Variants in FGF14 observed in about 807,000 individuals in gnomAD.
FGF14 encodes fibroblast growth factor 14.
In FGF14, 5 loss-of-function variants were observed where a neutral mutation model predicts 25.5. The observed-to-expected ratio is 0.20, with a 90% CI of 0.10 to 0.41. FGF14 has a LOEUF of 0.41. Ranked by LOEUF, FGF14 falls within the 10% of genes least tolerant of loss-of-function variation. The pLI is 1.00. For missense variants in FGF14, 222 were observed against 320.1 expected (o/e 0.69, Z 2.34); for synonymous variants, 138 against 118.3 (o/e 1.17, Z -1.08).
intron 1 of FGF14, among the ~76,000 whole-genome samples, chr13:101,957,518 G>C (rs1402234021): frequency 6.6e-6 from 1 of 152,144 alleles, no homozygotes; most frequent in East Asian, 1.9e-4. Flanking sequence ...ATTGCCATTG[G>C]TCAGTAACTT....
chr13:102,084,294 T>G (rs1004995767), intron 1 of FGF14, among the ~76,000 whole-genome samples: 8 of 152,208 alleles, frequency 5.3e-5, no homozygotes, highest in African/African-American at 1.4e-4. Flanking sequence ...CTTGCCCTAC[T>G]AGAATATCAA....
chr13:102,077,169 AT>A (rs1180257540), intron 1 of FGF14, among the ~76,000 whole-genome samples: 1 of 152,188 alleles, frequency 6.6e-6, no homozygotes. Flanking sequence ...AAACATTTGA[AT>A]GTATGACACA....
chr13:101,868,290 T>G, intron 3 of FGF14: 1 of 202,946 alleles, frequency 4.9e-6, no homozygotes. Flanking sequence ...AAATACACAT[T>G]TCAATATTAT....
chr13:102,175,919 A>C (rs2048428152), intron 1 of FGF14, among the ~76,000 whole-genome samples: 1 of 152,174 alleles, frequency 6.6e-6, no homozygotes, highest in South Asian at 2.1e-4. Context: ...AAAAAATAAT[A>C]GATGTTGGCG....
intron 1 of FGF14, among the ~76,000 whole-genome samples, chr13:101,929,579 C>T (rs890122794): frequency 2.0e-5 from 3 of 152,032 alleles, no homozygotes; most frequent in East Asian, 1.9e-4. Flanking sequence ...TGCAGTAGAC[C>T]CACTCAATTA....
At chr13:101,973,722 T>C (rs1973982) in intron 1 of FGF14, among the ~76,000 whole-genome samples, 75,506 of 152,000 alleles carry the variant, frequency 0.5, 19,707 homozygotes, top group East Asian at 0.71. Context: ...GCTGATGAGA[T>C]GGTGCCCTCC....
At chr13:102,210,242 T>C (rs2050103862) in intron 1 of FGF14, among the ~76,000 whole-genome samples, 1 of 151,884 alleles carries the variant, frequency 6.6e-6, no homozygotes, top group African/African-American at 2.4e-5. Context: ...TTACTTTAAG[T>C]TCTGTGAAGA....
intron 1 of FGF14, among the ~76,000 whole-genome samples, chr13:101,936,561 C>T (rs145563077): frequency 1.2e-4 from 19 of 152,214 alleles, no homozygotes; most frequent in Non-Finnish European, 1.8e-4. Flanking sequence ...GTGGGGATCA[C>T]GGGATAACAT....
chr13:101,877,709 G>A (rs2045476498), intron 1 of FGF14, among the ~76,000 whole-genome samples: 1 of 152,118 alleles, frequency 6.6e-6, no homozygotes, highest in South Asian at 2.1e-4. Flanking sequence ...AATCCTGCTA[G>A]CCAGAGCTGA....
chr13:102,280,317 G>A (rs569609180), intron 1 of FGF14, among the ~76,000 whole-genome samples: 2 of 152,250 alleles, frequency 1.3e-5, no homozygotes, highest in South Asian at 4.2e-4. Context: ...AGAGAGAACT[G>A]CCTTTGTTTA....
chr13:102,247,675 G>C (rs568556874), intron 1 of FGF14, among the ~76,000 whole-genome samples: 1 of 152,292 alleles, frequency 6.6e-6, no homozygotes, highest in African/African-American at 2.4e-5. Context: ...GTGGAAAGCA[G>C]TGTGGTGATT....
intron 1 of FGF14, among the ~76,000 whole-genome samples, chr13:102,148,707 C>T (rs2046956124): frequency 6.6e-6 from 1 of 152,052 alleles, no homozygotes; most frequent in African/African-American, 2.4e-5. Flanking sequence ...TACTCAGGAG[C>T]TTGAACCCAG....
intron 3 of FGF14, among the ~76,000 whole-genome samples, chr13:101,760,467 A>G (rs1168131606): frequency 6.6e-6 from 1 of 152,190 alleles, no homozygotes; most frequent in Non-Finnish European, 1.5e-5. Context: ...TGGCAACAAA[A>G]TCGATGAAAA....
chr13:102,323,936 T>A (rs553409614), intron 1 of FGF14, among the ~76,000 whole-genome samples: 11 of 151,014 alleles, frequency 7.3e-5, no homozygotes, highest in African/African-American at 2.7e-4. Flanking sequence ...GATGACTCTT[T>A]AAAGGATCCC....
At chr13:101,859,048 A>G (rs1334518594) in intron 3 of FGF14, among the ~76,000 whole-genome samples, 2 of 152,146 alleles carry the variant, frequency 1.3e-5, no homozygotes, top group African/African-American at 4.8e-5. Context: ...CAGCGTGTAA[A>G]TAAGTACTTT....
chr13:101,854,169 A>G (rs2044005308), intron 3 of FGF14, among the ~76,000 whole-genome samples: 1 of 152,106 alleles, frequency 6.6e-6, no homozygotes, highest in African/African-American at 2.4e-5. Context: ...TACAATTTAG[A>G]AGAATCATGT....
At chr13:102,262,167 T>G (rs1408356286) in intron 1 of FGF14, among the ~76,000 whole-genome samples, 1 of 152,186 alleles carries the variant, frequency 6.6e-6, no homozygotes, top group African/African-American at 2.4e-5. Flanking sequence ...TGTACATTTT[T>G]ACTCTAATAG....
At chr13:102,033,428 A>G (rs1473456063) in intron 1 of FGF14, among the ~76,000 whole-genome samples, 1 of 152,160 alleles carries the variant, frequency 6.6e-6, no homozygotes, top group East Asian at 1.9e-4. Flanking sequence ...AGCGTTCTAT[A>G]TTTTAAAAGA....
intron 1 of FGF14, among the ~76,000 whole-genome samples, chr13:102,062,491 C>CT (rs2042732654): frequency 6.6e-6 from 1 of 152,042 alleles, no homozygotes; most frequent in Non-Finnish European, 1.5e-5. Context: ...TACTCAAACC[C>CT]TTTTGTAAGT....
Sources: gnomAD v4.1 joint callset for allele counts (sites outside exome capture counted in the v4.1 genomes callset) on GRCh38, gnomAD v4.1.1 for gene constraint, MANE v1.5 for transcripts, NCBI Gene and HGNC (gene_info 2026-07-23, HGNC 2026-07-21) for gene names.